DCAF1: variants seen among roughly 807,000 people sequenced by gnomAD.
The protein encoded by DCAF1 is DDB1 and CUL4 associated factor 1.
A neutral mutation model predicts 128.0 loss-of-function variants in DCAF1; 15 were observed. That is an observed-to-expected ratio of 0.12 (90% CI 0.08 to 0.18). The LOEUF (loss-of-function observed/expected upper bound fraction) is 0.18, where lower values mean the gene tolerates loss of function less well. Ranked by LOEUF, DCAF1 falls within the 10% of genes least tolerant of loss-of-function variation. The pLI is 1.00. For missense variants in DCAF1, 988 were observed against 1,649.5 expected (o/e 0.60, Z 6.95); for synonymous variants, 610 against 603.0 (o/e 1.01, Z -0.17).
intron 9 of DCAF1, chr3:51,436,251 G>A (rs987066578): frequency 3.3e-5 from 14 of 420,262 alleles, no homozygotes; most frequent in South Asian, 1.7e-4. Flanking sequence ...TGTTTGCATA[G>A]AAAGAAAAGG....
At position 51,441,944 on chromosome 3, in the gene DCAF1, A is replaced by G. The variant is rs782245107; in HGVS notation, c.514-47T>C. The G allele has an allele frequency of 5.9e-6, 9 of 1,532,764 alleles. No homozygotes were observed. The East Asian group carries it at 1.8e-4, about 31-fold the overall frequency. The allele number at this position is 1,532,764 out of a possible 1,614,324, so 94.9% of individuals were successfully genotyped here. On this transcript the variant is annotated intron_variant, in intron 7 of 24. Transcript: ENST00000684031. ...AAAAGGGGGTGCCTCTTTATTAAGG[A>G]TTAAGTAATCCTTAATAATTCTTAT... is the stretch of plus-strand genomic sequence containing the variant.
In DCAF1 at chr3:51,418,193, C is replaced by T; in HGVS notation, c.3441G>A (p.Gly1147=). The T allele has an allele frequency of 6.2e-7, 1 of 1,610,148 alleles. No individual in the cohort carries two copies. The highest frequency in any genetic ancestry group is 8.5e-7 in the Non-Finnish European group (1 of 1,178,202). The part of the protein sequence containing the change: ...AITHLEPSRD[G]SLLLTSATWS... The stretch of plus-strand genomic sequence containing the variant: ...AAGTAGCAGATGTCAGCAGCAAGGA[C>T]CCATCCTAAAAGAAAAAGGCGCAAG... Residue 1147 remains glycine, a synonymous_variant, in exon 17 of 25, where the codon GGG becomes GGA. Coordinates refer to ENST00000684031, the MANE Select transcript of DCAF1 (RefSeq NM_001387579.1).
chr3:51,455,488 T>TC (rs1702797375), intron 6 of DCAF1, among the ~76,000 whole-genome samples: 1 of 151,972 alleles, frequency 6.6e-6, no homozygotes, highest in Admixed American at 6.6e-5. Flanking sequence ...TGCCTATACT[T>TC]CCAGCTACTC....
intron 2 of DCAF1, among the ~76,000 whole-genome samples, chr3:51,488,388 G>A (rs1377665545): frequency 6.6e-6 from 1 of 151,936 alleles, no homozygotes; most frequent in Non-Finnish European, 1.5e-5. Flanking sequence ...AGCATATTAA[G>A]AAAATTAAGG....
At chr3:51,496,105 A>G (rs1229082991) in intron 2 of DCAF1, among the ~76,000 whole-genome samples, 2 of 152,166 alleles carry the variant, frequency 1.3e-5, no homozygotes, top group African/African-American at 4.8e-5. Context: ...CAGCCTGACT[A>G]ATATGGAGAA....
intron 20 of DCAF1, 114 bp from the exon 21 acceptor site, chr3:51,413,500 T>C (rs1698615667): frequency 1.5e-5 from 22 of 1,456,048 alleles, no homozygotes; most frequent in Non-Finnish European, 2.0e-5. Context: ...TAGGTTTACA[T>C]ACAAATTCCC....
At chr3:51,499,201 AACT>A (rs1708559884) in intron 1 of DCAF1, among the ~76,000 whole-genome samples, 1 of 152,348 alleles carries the variant, frequency 6.6e-6, no homozygotes, top group South Asian at 2.1e-4. Context: ...CCCAGTTGAA[AACT>A]ACTATAACCC....
intron 6 of DCAF1, among the ~76,000 whole-genome samples, chr3:51,462,762 A>C (rs908525594): frequency 9.9e-5 from 15 of 151,450 alleles, no homozygotes; most frequent in Non-Finnish European, 2.2e-4. Context: ...AAAAAAAAAA[A>C]AAAACTATAG....
chr3:51,445,639 A>G (rs1701780201), intron 6 of DCAF1, among the ~76,000 whole-genome samples: 1 of 152,178 alleles, frequency 6.6e-6, no homozygotes, highest in Non-Finnish European at 1.5e-5. Context: ...ATGGTGACAT[A>G]AACTACTTTT....
Position 51,412,436 on chromosome 3 carries a change from C to T in DCAF1, c.4155G>A (p.Arg1385=), listed in dbSNP as rs1698514963. Residue 1385 remains arginine (R), a synonymous_variant, in exon 23 of 25, where the codon AGG becomes AGA. Transcript: ENST00000684031. The part of the protein sequence containing the change: ...MDALNMDTVC[R]LYEVGRQRLA... ...GACGCTGCCTGCCCACTTCATACAG[C>T]CTGCATACTGTGTCCATGTTCAGGG... is the stretch of plus-strand genomic sequence containing the variant. 6.2e-7 allele frequency: 1 copy of T among 1,613,964 alleles called. No individual in the cohort carries two copies. The highest frequency in any genetic ancestry group is 1.7e-5 in the Admixed American group (1 of 60,018).
At chr3:51,492,726 G>C (rs1553658718) in intron 2 of DCAF1, among the ~76,000 whole-genome samples, 3 of 152,150 alleles carry the variant, frequency 2.0e-5, no homozygotes, top group Non-Finnish European at 4.4e-5. Context: ...CGGGCGCGGT[G>C]GCTCATGCTT....
intron 6 of DCAF1, among the ~76,000 whole-genome samples, chr3:51,458,501 TCAA>T (rs1332250228): frequency 2.0e-5 from 3 of 152,034 alleles, no homozygotes; most frequent in Non-Finnish European, 4.4e-5. Flanking sequence ...ATCAGACAGA[TCAA>T]CGAGACAGAA....
At chr3:51,427,283 G>A (rs1553634314) in intron 13 of DCAF1, 89 bp downstream of exon 13, 1 of 564,234 alleles carries the variant, frequency 1.8e-6, no homozygotes, top group African/African-American at 1.9e-5. Context: ...TTCAACAAAT[G>A]TTTGTTAAGC....
At position 51,474,886 on chromosome 3, in the gene DCAF1, G is replaced by A. The variant is rs187152784; in HGVS notation, c.111-3881C>T. On this transcript the variant is annotated intron_variant, in intron 3 of 24. Coordinates refer to ENST00000684031, the MANE Select transcript of DCAF1 (RefSeq NM_001387579.1). ...TGCAACCTCCGCCTCCCAGGTTCAAGCAGTTCTCCTACCTCAACCTCCTGA... is the reference window on the plus strand; with the variant it reads ...TGCAACCTCCGCCTCCCAGGTTCAAACAGTTCTCCTACCTCAACCTCCTGA... Among the ~76,000 whole-genome samples the A allele has an allele frequency of 2.7e-5, 4 of 150,102 alleles. No individual in the cohort carries two copies. The East Asian group carries it at 8.0e-4, about 30-fold the overall frequency.
At chr3:51,484,682 CTTTTTTT>C (rs1228009412) in intron 2 of DCAF1, among the ~76,000 whole-genome samples, 1 of 127,090 alleles carries the variant, frequency 7.9e-6, no homozygotes, top group Non-Finnish European at 1.7e-5. Context: ...TTAATTTTTT[CTTTTTTT>C]TTTTTTTTTT....
chr3:51,445,058 T>C (rs1273304508), intron 6 of DCAF1, among the ~76,000 whole-genome samples: 1 of 152,188 alleles, frequency 6.6e-6, no homozygotes, highest in East Asian at 1.9e-4. Context: ...AAATCACCTA[T>C]GTCCTACTAC....
intron 9 of DCAF1, chr3:51,436,341 T>C (rs1057054885): frequency 3.9e-6 from 2 of 519,338 alleles, no homozygotes; most frequent in Non-Finnish European, 7.7e-6. Flanking sequence ...TTAAGAGAGT[T>C]CAGAATGAAT....
chr3:51,403,139 T>G lies in DCAF1; in HGVS notation c.4465+4A>C. The G allele has an allele frequency of 6.2e-7, 1 of 1,608,606 alleles. No individual in the cohort carries two copies. Among genetic ancestry groups the G allele is most frequent in the Non-Finnish European group, 8.5e-7 (1 of 1,176,666 alleles). On this transcript the variant is annotated splice_donor_region_variant and intron_variant, in intron 24 of 24. Transcript: ENST00000684031. ...GCTCAGCCTGAACTCTGCCCTATACTTACTGTCCCCCAGGATCAGTTCCAC... is the reference window on the plus strand; with the variant it reads ...GCTCAGCCTGAACTCTGCCCTATACGTACTGTCCCCCAGGATCAGTTCCAC...
At chr3:51,402,566 ATTTTTTTTTTTTT>A (rs540396047) in intron 24 of DCAF1, among the ~76,000 whole-genome samples, 1 of 84,984 alleles carries the variant, frequency 1.2e-5, no homozygotes, top group Non-Finnish European at 2.0e-5. Context: ...CCTACAAAGC[ATTTTTTTTTTTTT>A]TTTTTTTTTT....
Sources: gnomAD v4.1 joint callset for allele counts (sites outside exome capture counted in the v4.1 genomes callset) on GRCh38, gnomAD v4.1.1 for gene constraint, MANE v1.5 for transcripts, NCBI Gene and HGNC (gene_info 2026-07-23, HGNC 2026-07-21) for gene names.